The following DLGAP2 variants were observed in gnomAD, a reference collection of about 807,000 sequenced individuals.
DLGAP2 encodes the protein disks large-associated protein 2.
DLGAP2 carries 26 observed loss-of-function variants against 100.3 expected under a neutral mutation model. The observed-to-expected ratio is 0.26, with a 90% CI of 0.19 to 0.36. DLGAP2 has a LOEUF of 0.36. Among genes scored for constraint, DLGAP2 ranks in the 10% least tolerant of loss-of-function variants. The pLI is 1.00. For synonymous variants in DLGAP2, 886 were observed against 630.1 expected (o/e 1.41, Z -6.08); for missense variants, 1,858 against 1,453.2 (o/e 1.28, Z -4.53).
chr8:1,323,793 A>G (rs537788129), intron 3 of DLGAP2, among the ~76,000 whole-genome samples: 12 of 152,344 alleles, frequency 7.9e-5, no homozygotes, highest in Non-Finnish European at 1.2e-4. Context: ...CTTTGAAGAA[A>G]GAGTTTCACA....
At chr8:1,624,919 G>A (rs941081928) in intron 6 of DLGAP2, among the ~76,000 whole-genome samples, 1 of 151,482 alleles carries the variant, frequency 6.6e-6, no homozygotes, top group East Asian at 1.9e-4. Context: ...GGGAGGGGAA[G>A]GTAGGTAGGA....
intron 3 of DLGAP2, among the ~76,000 whole-genome samples, chr8:1,443,790 C>A (rs756076855): frequency 6.6e-5 from 10 of 152,076 alleles, no homozygotes; most frequent in Non-Finnish European, 1.3e-4. Context: ...CTGGCCCCAC[C>A]CTTGACACGT....
chr8:1,645,218 C>A (rs1448390435), intron 8 of DLGAP2, among the ~76,000 whole-genome samples: 1 of 152,250 alleles, frequency 6.6e-6, no homozygotes, highest in Non-Finnish European at 1.5e-5. Flanking sequence ...AATTTTTTAA[C>A]CTTATAATAG....
intron 1 of DLGAP2, among the ~76,000 whole-genome samples, chr8:784,827 C>T (rs141396348): frequency 3.3e-5 from 5 of 152,260 alleles, no homozygotes; most frequent in Non-Finnish European, 7.4e-5. Flanking sequence ...CAATAAGCCG[C>T]ATCTTTATAG....
chr8:1,529,107 T>C (rs936685713), intron 4 of DLGAP2, among the ~76,000 whole-genome samples: 2 of 152,210 alleles, frequency 1.3e-5, no homozygotes, highest in Admixed American at 6.5e-5. Flanking sequence ...AGAGGTTTAA[T>C]TGACTCACAG....
At chr8:1,344,347 C>T (rs1178485719) in intron 3 of DLGAP2, among the ~76,000 whole-genome samples, 2 of 152,196 alleles carry the variant, frequency 1.3e-5, no homozygotes, top group East Asian at 1.9e-4. Context: ...TGCCCTCACA[C>T]CTCGCACATG....
At chr8:1,275,461 A>G (rs1250744124) in intron 3 of DLGAP2, among the ~76,000 whole-genome samples, 1 of 151,818 alleles carries the variant, frequency 6.6e-6, no homozygotes, top group East Asian at 1.9e-4. Flanking sequence ...TCCTGGGGCC[A>G]TCCGGAGATG....
chr8:1,069,218 T>G (rs1803352753), intron 2 of DLGAP2, among the ~76,000 whole-genome samples: 2 of 152,000 alleles, frequency 1.3e-5, no homozygotes, highest in South Asian at 2.1e-4. Flanking sequence ...TTGTTTAAAC[T>G]GAAAAGAAGG....
At chr8:1,290,668 C>G (rs1382671837) in intron 3 of DLGAP2, among the ~76,000 whole-genome samples, 1 of 152,210 alleles carries the variant, frequency 6.6e-6, no homozygotes, top group Non-Finnish European at 1.5e-5. Context: ...AATTTCCTCC[C>G]ATCCACTTTC....
At chr8:1,113,644 CAG>C (rs1238309743) in intron 2 of DLGAP2, among the ~76,000 whole-genome samples, 32 of 152,140 alleles carry the variant, frequency 2.1e-4, no homozygotes, top group African/African-American at 7.7e-4. Flanking sequence ...CATCTACAAA[CAG>C]GGGTACTTTG....
intron 3 of DLGAP2, among the ~76,000 whole-genome samples, chr8:1,470,860 GCCTTTCCCGACCCCTCCAT>G (rs1563168589): frequency 1.1e-3 from 13 of 11,714 alleles, no homozygotes; most frequent in African/African-American, 3.4e-3. Context: ...GACCCCTCCA[GCCTTTCCCGACCCCTCCAT>G]CCTTTCCCGA....
At chr8:1,113,726 A>G (rs547020658) in intron 2 of DLGAP2, among the ~76,000 whole-genome samples, 2 of 152,164 alleles carry the variant, frequency 1.3e-5, no homozygotes, top group South Asian at 2.1e-4. Flanking sequence ...AGAACTTCCA[A>G]TACTATGTTG....
chr8:1,701,054 G>A lies in DLGAP2; in HGVS notation c.2950-134G>A, dbSNP rs1191157950. 3 of 766,752 alleles carry A rather than the reference G, an allele frequency of 3.9e-6. No homozygotes were observed. The South Asian group carries it at 5.7e-5, about 15-fold the overall frequency. The allele number at this position is 766,752 out of a possible 1,614,324, so 47.5% of individuals were successfully genotyped here. ...GGAGCCGGGGACCAGGGCAGACGGG[G>A]GACGGGAGTGAAGGATGCGGCCCTG... On this transcript the variant is annotated intron_variant, in intron 14 of 14. Coordinates refer to ENST00000637795, the MANE Select transcript of DLGAP2 (RefSeq NM_001346810.2).
At chr8:827,771 G>A (rs562872255) in intron 1 of DLGAP2, among the ~76,000 whole-genome samples, 1 of 152,320 alleles carries the variant, frequency 6.6e-6, no homozygotes, top group African/African-American at 2.4e-5. Flanking sequence ...GTTGCTCAGA[G>A]ACAAAGACTA....
intron 1 of DLGAP2, among the ~76,000 whole-genome samples, chr8:858,683 A>G (rs1321437929): frequency 6.7e-6 from 1 of 150,246 alleles, no homozygotes; most frequent in Non-Finnish European, 1.5e-5. Flanking sequence ...CTGTGGGGAC[A>G]TGTGTGATGC....
At position 1,625,381 on chromosome 8, in the gene DLGAP2, G is replaced by A. The variant is rs536202189; in HGVS notation, c.1443-1359G>A. On this transcript the variant is annotated intron_variant, in intron 6 of 14. Transcript: ENST00000637795. ...TTTAAGCTAAGCCAGACCTTTCATC[G>A]GCCAAACACTCACAGGGTTCTTCCA... 5.9e-5 allele frequency among the ~76,000 whole-genome samples: 9 copies of A among 152,282 alleles called. No individual in the cohort carries two copies. In the East Asian group the frequency reaches 7.7e-4, roughly 13 times the overall value.
chr8:1,164,678 T>C (rs1310483926), intron 2 of DLGAP2, among the ~76,000 whole-genome samples: 1 of 152,204 alleles, frequency 6.6e-6, no homozygotes, highest in African/African-American at 2.4e-5. Context: ...TTGAGCTGCA[T>C]TCTCTGGATC....
intron 4 of DLGAP2, among the ~76,000 whole-genome samples, chr8:1,520,240 G>A (rs746946442): frequency 2.0e-5 from 3 of 152,108 alleles, no homozygotes; most frequent in Non-Finnish European, 4.4e-5. Flanking sequence ...CCCCCACCCC[G>A]GAGCTCATGG....
chr8:983,270 G>A (rs1800391519), intron 2 of DLGAP2, among the ~76,000 whole-genome samples: 1 of 152,026 alleles, frequency 6.6e-6, no homozygotes. Context: ...ACGTGTTGGT[G>A]GAAGGTACAG....
Sources: gnomAD v4.1 joint callset for allele counts (sites outside exome capture counted in the v4.1 genomes callset) on GRCh38, gnomAD v4.1.1 for gene constraint, MANE v1.5 for transcripts, NCBI Gene and HGNC (gene_info 2026-07-23, HGNC 2026-07-21) for gene names.